NEDD4L: variants seen among roughly 807,000 people sequenced by gnomAD.
The protein encoded by NEDD4L is E3 ubiquitin-protein ligase NEDD4-like.
A neutral mutation model predicts 148.9 loss-of-function variants in NEDD4L; 54 were observed. The observed-to-expected ratio is 0.36, with a 90% CI of 0.29 to 0.45. The LOEUF is 0.45. NEDD4L is among the 20% of genes least tolerant of loss of function. The pLI, the probability that NEDD4L is intolerant of heterozygous loss-of-function variation, is 1.00. For missense variants in NEDD4L, 856 were observed against 1,233.8 expected, an observed-to-expected ratio of 0.69 and a Z score of 4.59; for synonymous variants, 433 against 440.7, an observed-to-expected ratio of 0.98 and a Z score of 0.22.
chr18:58,149,590 G>A (rs929239872), intron 1 of NEDD4L: 81 of 1,464,702 alleles, frequency 5.5e-5, no homozygotes, highest in Non-Finnish European at 7.6e-5. Flanking sequence ...GCTTGGTGGG[G>A]GAGGAGGTTT....
rs972878742 is a variant in NEDD4L, at chr18:58,377,126, C to G, written c.2352+3857C>G. ...CAGCCGCATGCCTGCCCTGTGCTCA[C>G]TCACTGTCGTGTACTTCCCACAAGC... is the stretch of plus-strand genomic sequence containing the variant. On this transcript the variant is annotated intron_variant, in intron 24 of 30. Transcript: ENST00000400345. Among the ~76,000 whole-genome samples, 46 of 152,264 alleles carry G rather than the reference C, an allele frequency of 3.0e-4. 1 individual carries two copies. Among genetic ancestry groups the G allele is most frequent in the Non-Finnish European group, 3.8e-4 (26 of 68,044 alleles).
chr18:58,076,034 G>A (rs886555034), intron 1 of NEDD4L, among the ~76,000 whole-genome samples: 1 of 152,084 alleles, frequency 6.6e-6, no homozygotes, highest in South Asian at 2.1e-4. Context: ...AACCATTGTT[G>A]GCATCAAGAG....
At chr18:58,369,527 C>T (rs1374799058) in intron 22 of NEDD4L, among the ~76,000 whole-genome samples, 1 of 151,738 alleles carries the variant, frequency 6.6e-6, no homozygotes, top group Non-Finnish European at 1.5e-5. Context: ...CGCTGCTCCC[C>T]CTGGTCGGCT....
At chr18:58,151,622 G>GGGGTGTGTGTGTGT (rs1568290916) in intron 1 of NEDD4L, among the ~76,000 whole-genome samples, 4 of 60,940 alleles carry the variant, frequency 6.6e-5, no homozygotes, top group African/African-American at 2.2e-4. Flanking sequence ...GCTGTGCCTG[G>GGGGTGTGTGTGTGT]ATATGTGTGT....
At chr18:58,255,677 C>T (rs1021667927) in intron 5 of NEDD4L, 3 of 1,232,172 alleles carry the variant, frequency 2.4e-6, no homozygotes, top group African/African-American at 3.1e-5. Flanking sequence ...TGGCTCTGGT[C>T]GCAGCAACAC....
chr18:58,376,731 A>G (rs2047608229), intron 24 of NEDD4L, among the ~76,000 whole-genome samples: 2 of 152,202 alleles, frequency 1.3e-5, no homozygotes, highest in Admixed American at 6.5e-5. Flanking sequence ...TTCCTCTGCC[A>G]GAAACCTTCA....
intron 5 of NEDD4L, among the ~76,000 whole-genome samples, chr18:58,271,791 C>T (rs2051078489): frequency 6.6e-6 from 1 of 152,120 alleles, no homozygotes; most frequent in African/African-American, 2.4e-5. Flanking sequence ...AGCTGGTTAT[C>T]ATGTTTGTTT....
chr18:58,184,124 G>A (rs948744845), intron 2 of NEDD4L, among the ~76,000 whole-genome samples: 3 of 152,182 alleles, frequency 2.0e-5, no homozygotes, highest in Non-Finnish European at 4.4e-5. Context: ...ACCCGAGATC[G>A]CGCCCCATTA....
At chr18:58,138,984 T>C (rs911299919) in intron 1 of NEDD4L, among the ~76,000 whole-genome samples, 28 of 152,360 alleles carry the variant, frequency 1.8e-4, no homozygotes, top group African/African-American at 6.3e-4. Context: ...CCACGCTGGC[T>C]CATTTCAGCC....
In NEDD4L at chr18:58,256,344, G is replaced by C. The variant is rs1362927696; in HGVS notation, c.297+4290G>C. On this transcript the variant is annotated intron_variant, in intron 5 of 30. Coordinates refer to ENST00000400345, the MANE Select transcript of NEDD4L (RefSeq NM_001144967.3). This position sits in a 1 kb window ranked among gnomAD's most constrained non-coding sequence, Gnocchi z 5.2. ...CTGCAGCACGTTCCAGATGCTTCTGGAAGCTCTGGGAAGCGGTGTTTTGTC... is the reference window on the plus strand; with the variant it reads ...CTGCAGCACGTTCCAGATGCTTCTGCAAGCTCTGGGAAGCGGTGTTTTGTC... The C allele has an allele frequency of 8.1e-7, 1 of 1,231,994 alleles. No homozygotes were observed. The highest frequency in any genetic ancestry group is 1.6e-5 in the African/African-American group (1 of 64,424). The allele number at this position is 1,231,994 out of a possible 1,614,324, so 76.3% of individuals were successfully genotyped here.
At chr18:58,281,159 G>T (rs1227803527) in intron 5 of NEDD4L, among the ~76,000 whole-genome samples, 1 of 151,660 alleles carries the variant, frequency 6.6e-6, no homozygotes, top group Non-Finnish European at 1.5e-5. Flanking sequence ...TTATTTTTTT[G>T]TAGAGAAGGT....
intron 1 of NEDD4L, chr18:58,090,851 T>A (rs959837257): frequency 6.6e-6 from 1 of 152,258 alleles, no homozygotes; most frequent in African/African-American, 2.4e-5. Flanking sequence ...AGTTTTTTCA[T>A]AGAAGTATGT....
At chr18:58,371,203 A>ATTTTTTTTTTTTT (rs34960405) in intron 23 of NEDD4L, among the ~76,000 whole-genome samples, 60 of 92,962 alleles carry the variant, frequency 6.5e-4, no homozygotes, top group African/African-American at 1.4e-3. Context: ...TGCCTGGCTA[A>ATTTTTTTTTTTTT]TTTTTTTTTT....
At chr18:58,369,840 C>T (rs1003391469) in intron 22 of NEDD4L, among the ~76,000 whole-genome samples, 2 of 152,230 alleles carry the variant, frequency 1.3e-5, no homozygotes, top group Non-Finnish European at 2.9e-5. Context: ...CACAGGCCCT[C>T]TCCGGGGCCT....
At chr18:58,185,240 C>T (rs1364309045) in intron 2 of NEDD4L, among the ~76,000 whole-genome samples, 1 of 152,134 alleles carries the variant, frequency 6.6e-6, no homozygotes, top group Non-Finnish European at 1.5e-5. Flanking sequence ...TAGCTCACTT[C>T]CCTGTAAGCT....
chr18:58,081,179 A>G (rs78752759), intron 1 of NEDD4L, among the ~76,000 whole-genome samples: 4 of 150,474 alleles, frequency 2.7e-5, no homozygotes, highest in East Asian at 1.9e-4. Context: ...GTTTTAGACA[A>G]CTAGCTTCCA....
At chr18:58,390,524 G>A in intron 28 of NEDD4L, 122 bp from the exon 29 acceptor site, 1 of 629,580 alleles carries the variant, frequency 1.6e-6, no homozygotes, top group Non-Finnish European at 2.9e-6. Flanking sequence ...TCAGTTTTCA[G>A]AGTCAACTGT....
At chr18:58,347,746 G>T (rs758386480) in intron 16 of NEDD4L, among the ~76,000 whole-genome samples, 1 of 152,164 alleles carries the variant, frequency 6.6e-6, no homozygotes, top group Non-Finnish European at 1.5e-5. Context: ...AGAAGCAAGG[G>T]TTGATTTTTG....
chr18:58,220,010 A>G (rs76558303), intron 2 of NEDD4L, among the ~76,000 whole-genome samples: 4,734 of 152,344 alleles, frequency 0.031, 216 homozygotes, highest in African/African-American at 0.098. Context: ...AGTTTTAGAC[A>G]TAATCAAAGA....
Sources: gnomAD v4.1 joint callset for allele counts (sites outside exome capture counted in the v4.1 genomes callset) on GRCh38, gnomAD v4.1.1 for gene constraint, Gnocchi (gnomAD v3.1) non-coding constraint, MANE v1.5 for transcripts, NCBI Gene and HGNC (gene_info 2026-07-23, HGNC 2026-07-21) for gene names.